SP100: variants seen among roughly 807,000 people sequenced by gnomAD.
SP100 encodes the protein SP100 nuclear body protein.
SP100 carries 84 observed loss-of-function variants against 130.0 expected under a neutral mutation model. That is an observed-to-expected ratio of 0.65 (90% CI 0.54 to 0.77). The LOEUF (loss-of-function observed/expected upper bound fraction) is 0.77, where lower values mean the gene tolerates loss of function less well. SP100 is among the 30% of genes least tolerant of loss of function. SP100 has a pLI of 0.00. For synonymous variants in SP100, 331 were observed against 351.7 expected (o/e 0.94, Z 0.66); for missense variants, 978 against 1,052.2 (o/e 0.93, Z 0.97).
chr2:230,514,556 T>G (rs1351685969), intron 24 of SP100, among the ~76,000 whole-genome samples: 1 of 152,210 alleles, frequency 6.6e-6, no homozygotes, highest in Non-Finnish European at 1.5e-5. Flanking sequence ...AAAGATAATT[T>G]TTCTCTCTTC....
intron 17 of SP100, among the ~76,000 whole-genome samples, chr2:230,476,602 G>A (rs186937821): frequency 2.6e-5 from 4 of 152,032 alleles, no homozygotes; most frequent in Non-Finnish European, 4.4e-5. Context: ...TACTATGCAT[G>A]TATTAACACG....
At position 230,469,821 on chromosome 2, in the gene SP100, C is replaced by T. The variant is rs1293275261; in HGVS notation, c.1346-194C>T. ...GAAGAAACAATGTCATCCCCAGCCC[C>T]AGCCTCAGAGAGGGCTCCTGGAGCA... is the stretch of plus-strand genomic sequence containing the variant. On this transcript the variant is annotated intron_variant, in intron 14 of 28. Coordinates refer to ENST00000340126, the MANE Select transcript of SP100 (RefSeq NM_001080391.2). 42 of 1,493,724 alleles carry T rather than the reference C, an allele frequency of 2.8e-5. 1 individual carries two copies. The highest frequency in any genetic ancestry group is 3.6e-5 in the Non-Finnish European group (40 of 1,113,704). 92.5% of individuals were successfully genotyped at this position (1,493,724 alleles called of 1,614,324 possible). A position where few individuals can be genotyped will look rare whatever the true frequency, so the allele number is the denominator to read the frequency against.
chr2:230,439,590 T>G (rs13017690), intron 2 of SP100, among the ~76,000 whole-genome samples: 36,605 of 151,938 alleles, frequency 0.24, 4,676 homozygotes, highest in Non-Finnish European at 0.29. Flanking sequence ...CTTTGTTTTT[T>G]TGGTTTATTT....
At chr2:230,497,217 C>G (rs2066718862) in intron 18 of SP100, among the ~76,000 whole-genome samples, 1 of 152,066 alleles carries the variant, frequency 6.6e-6, no homozygotes, top group South Asian at 2.1e-4. Flanking sequence ...GTAAACGGAA[C>G]TAAACTACTT....
chr2:230,541,582 A>G (rs1035435289), intron 27 of SP100, among the ~76,000 whole-genome samples: 4 of 152,192 alleles, frequency 2.6e-5, no homozygotes, highest in African/African-American at 9.6e-5. Context: ...GGGTGTCAGT[A>G]GGGTCCGGTT....
chr2:230,417,782 T>C (rs1398946589), intron 2 of SP100, 117 bp downstream of exon 2: 4 of 1,437,792 alleles, frequency 2.8e-6, no homozygotes, highest in Non-Finnish European at 3.7e-6. Context: ...ATTGCTTGTT[T>C]GTTTTTTGCC....
At chr2:230,436,913 TGTGTATACACACAA>T (rs1365834673) in intron 2 of SP100, among the ~76,000 whole-genome samples, 17 of 147,874 alleles carry the variant, frequency 1.1e-4, no homozygotes, top group African/African-American at 4.2e-4. Flanking sequence ...CACGCATATA[TGTGTATACACACAA>T]GTGTATACAC....
In SP100 at chr2:230,449,146, T is replaced by C; in HGVS notation, c.582T>C (p.His194=). ...LTWPPSGSPS[H]AGTTPPENGL... ...GGCCACCTTCGGGTTCCCCATCTCA[T>C]GCTGGTTTGTTCCTGTTTACTACTC... Residue 194 remains histidine, a synonymous_variant, in exon 6 of 29, where the codon CAT becomes CAC. Coordinates refer to ENST00000340126, the MANE Select transcript of SP100 (RefSeq NM_001080391.2). 1 of 1,614,110 alleles carries C rather than the reference T, an allele frequency of 6.2e-7. No homozygotes were observed. The highest frequency in any genetic ancestry group is 8.5e-7 in the Non-Finnish European group (1 of 1,179,924).
At chr2:230,469,844 G>A (rs1410715477) in intron 14 of SP100, 171 bp from the exon 15 acceptor site, 8 of 1,505,310 alleles carry the variant, frequency 5.3e-6, no homozygotes, top group Non-Finnish European at 6.2e-6. Flanking sequence ...GGCTCCTGGA[G>A]CAATCTTGAC....
chr2:230,442,772 T>A (rs932411509), intron 2 of SP100, among the ~76,000 whole-genome samples, 165 bp from the exon 3 acceptor site: 3 of 152,252 alleles, frequency 2.0e-5, no homozygotes, highest in African/African-American at 7.2e-5. Context: ...TTCTATTACA[T>A]CTTTTTTGTT....
intron 17 of SP100, among the ~76,000 whole-genome samples, chr2:230,475,475 C>A (rs2065494887): frequency 6.6e-6 from 1 of 152,116 alleles, no homozygotes; most frequent in Non-Finnish European, 1.5e-5. Context: ...AATTTTCTCC[C>A]ATTCTGAAGG....
At chr2:230,524,131 C>T (rs1468363277) in intron 24 of SP100, among the ~76,000 whole-genome samples, 7 of 134,302 alleles carry the variant, frequency 5.2e-5, no homozygotes, top group South Asian at 4.7e-4. Context: ...GTCAGGATTT[C>T]GAGACCAGCC....
In SP100 at chr2:230,504,303, G is replaced by T; in HGVS notation, c.1870+13G>T. ...CGATTCAAACAAGGTGAGTTTACTG[G>T]TCCATCTACGATTTTCAGCTGGAAA... On this transcript the variant is annotated intron_variant, in intron 21 of 28. Coordinates refer to ENST00000340126, the MANE Select transcript of SP100 (RefSeq NM_001080391.2). The T allele has an allele frequency of 7.0e-7, 1 of 1,434,954 alleles. No individual in the cohort carries two copies. The highest frequency in any genetic ancestry group is 9.8e-7 in the Non-Finnish European group (1 of 1,020,744). The allele number at this position is 1,434,954 out of a possible 1,614,324, so 88.9% of individuals were successfully genotyped here.
At chr2:230,512,492 G>A (rs1037741043) in intron 24 of SP100, among the ~76,000 whole-genome samples, 4 of 151,348 alleles carry the variant, frequency 2.6e-5, no homozygotes, top group Non-Finnish European at 5.9e-5. Flanking sequence ...GTTTTGTCAT[G>A]CTGATCAGGC....
At chr2:230,462,613 A>G in intron 10 of SP100, 95 bp downstream of exon 10, 2 of 911,082 alleles carry the variant, frequency 2.2e-6, no homozygotes, top group East Asian at 2.4e-5. Flanking sequence ...CATTCTGTAC[A>G]ATGGATCCAG....
intron 18 of SP100, among the ~76,000 whole-genome samples, chr2:230,497,079 T>C (rs1323274592): frequency 6.6e-6 from 1 of 152,182 alleles, no homozygotes; most frequent in Admixed American, 6.5e-5. Context: ...AATCCAAGAA[T>C]AGCCACACTA....
chr2:230,464,611 C>CA (rs11302983), intron 11 of SP100, among the ~76,000 whole-genome samples: 17 of 150,918 alleles, frequency 1.1e-4, no homozygotes, highest in South Asian at 2.1e-4. Flanking sequence ...TTATTAATGG[C>CA]AAAAAAAAAG....
chr2:230,443,989 G>T (rs1381446489), intron 3 of SP100, among the ~76,000 whole-genome samples, 189 bp from the exon 4 acceptor site: 1 of 152,182 alleles, frequency 6.6e-6, no homozygotes, highest in Non-Finnish European at 1.5e-5. Context: ...GCTCATCAGT[G>T]GGCATTTTTA....
chr2:230,506,673 G>T, intron 22 of SP100: 1 of 422,958 alleles, frequency 2.4e-6, no homozygotes. Flanking sequence ...AGGTTGGACA[G>T]TAAATTGTGG....
Sources: gnomAD v4.1 joint callset for allele counts (sites outside exome capture counted in the v4.1 genomes callset) on GRCh38, gnomAD v4.1.1 for gene constraint, MANE v1.5 for transcripts, NCBI Gene and HGNC (gene_info 2026-07-23, HGNC 2026-07-21) for gene names.